SNX3: variants seen among roughly 807,000 people sequenced by gnomAD.
SNX3 encodes sorting nexin-3.
Under a neutral mutation model 17.7 loss-of-function variants are expected in SNX3, and 5 were observed. That is an observed-to-expected ratio of 0.28 (90% CI 0.15 to 0.59). The LOEUF is 0.59. Among genes scored for constraint, SNX3 ranks in the 20% least tolerant of loss-of-function variants. SNX3 has a pLI of 0.88. For synonymous variants in SNX3, 91 were observed against 76.5 expected, an observed-to-expected ratio of 1.19 and a Z score of -0.99; for missense variants, 132 against 206.8, an observed-to-expected ratio of 0.64 and a Z score of 2.22.
chr6:108,222,249 T>C, intron 2 of SNX3: 8 of 1,304,280 alleles, frequency 6.1e-6, no homozygotes, highest in Non-Finnish European at 8.1e-6. Context: ...AGTCACAAAA[T>C]AACTTTTCAT....
chr6:108,212,299 T>TG (rs1451476090), intron 3 of SNX3, 45 bp from the exon 4 acceptor site: 1 of 1,321,572 alleles, frequency 7.6e-7, no homozygotes. Context: ...TTATACAAGG[T>TG]GGGGGAGTTC....
chr6:108,225,015 G>C (rs1774931776), intron 1 of SNX3, among the ~76,000 whole-genome samples: 1 of 152,198 alleles, frequency 6.6e-6, no homozygotes, highest in African/African-American at 2.4e-5. Flanking sequence ...GGGCGCGGTG[G>C]CTCATGACTG....
intron 1 of SNX3, among the ~76,000 whole-genome samples, chr6:108,245,510 A>G (rs1387944836): frequency 6.6e-6 from 1 of 152,230 alleles, no homozygotes; most frequent in Non-Finnish European, 1.5e-5. Context: ...TTCTGGTTTT[A>G]GATCCTTGAG....
At chr6:108,214,752 A>G in intron 2 of SNX3, 130 bp from the exon 3 acceptor site, 1 of 931,562 alleles carries the variant, frequency 1.1e-6, no homozygotes, top group Non-Finnish European at 1.6e-6. Context: ...GAAATATAAA[A>G]GAGCAAAAAA....
At position 108,260,935 on chromosome 6, in the gene SNX3, C is replaced by A. The variant is rs1776179848; in HGVS notation, c.-14G>T. On this transcript the variant is annotated 5_prime_UTR_variant, in exon 1 of 4. Transcript: ENST00000230085. ...GGTCTCCGCCATTTCGCTGTAGCTG[C>A]TGCCGCCGCCGCGGGCTCCCTCCGC... 1.3e-6 allele frequency: 2 copies of A among 1,554,946 alleles called. No homozygotes were observed. The highest frequency in any genetic ancestry group is 1.4e-5 in the African/African-American group (1 of 70,600).
intron 1 of SNX3, among the ~76,000 whole-genome samples, chr6:108,254,305 T>C (rs114474040): frequency 0.028 from 4,263 of 150,504 alleles, 144 homozygotes; most frequent in South Asian, 0.089. Context: ...TCTCTACAAA[T>C]ACAAAAAAAT....
At chr6:108,214,711 C>G in intron 2 of SNX3, 89 bp from the exon 3 acceptor site, 1 of 1,344,454 alleles carries the variant, frequency 7.4e-7, no homozygotes, top group Non-Finnish European at 1.0e-6. Flanking sequence ...CATGTCCTCA[C>G]TATGACAGCC....
At chr6:108,256,672 A>C (rs142788259) in intron 1 of SNX3, among the ~76,000 whole-genome samples, 2 of 152,346 alleles carry the variant, frequency 1.3e-5, no homozygotes, top group East Asian at 1.9e-4. Context: ...ATTCCTGTTC[A>C]AAACAGTGGT....
At chr6:108,224,411 G>T (rs1774914464) in intron 1 of SNX3, among the ~76,000 whole-genome samples, 1 of 152,134 alleles carries the variant, frequency 6.6e-6, no homozygotes, top group Non-Finnish European at 1.5e-5. Context: ...CTCCCAAGTA[G>T]CTGGGACTAC....
At chr6:108,250,274 C>G (rs530972097) in intron 1 of SNX3, among the ~76,000 whole-genome samples, 6 of 152,260 alleles carry the variant, frequency 3.9e-5, no homozygotes, top group African/African-American at 1.4e-4. Flanking sequence ...GTTACATGAG[C>G]AAACTCTAGA....
chr6:108,230,820 C>A (rs1359188935), intron 1 of SNX3, among the ~76,000 whole-genome samples: 1 of 152,162 alleles, frequency 6.6e-6, no homozygotes, highest in Admixed American at 6.5e-5. Context: ...TAATTACCTG[C>A]ATCTCAAAAA....
At chr6:108,250,853 T>C (rs905889371) in intron 1 of SNX3, among the ~76,000 whole-genome samples, 3 of 152,200 alleles carry the variant, frequency 2.0e-5, no homozygotes, top group African/African-American at 7.2e-5. Context: ...GAACAAATAA[T>C]TATCAAATGA....
chr6:108,237,542 T>G (rs183239326), intron 1 of SNX3, among the ~76,000 whole-genome samples: 2 of 152,216 alleles, frequency 1.3e-5, no homozygotes, highest in African/African-American at 4.8e-5. Flanking sequence ...TCTCAGCACT[T>G]TGGGAGGCCG....
chr6:108,234,245 A>G (rs1775255528), intron 1 of SNX3, among the ~76,000 whole-genome samples: 1 of 151,420 alleles, frequency 6.6e-6, no homozygotes, highest in Non-Finnish European at 1.5e-5. Flanking sequence ...AAACATATAT[A>G]TATATATATA....
chr6:108,211,926 A>G lies in SNX3; in HGVS notation c.*223T>C, dbSNP rs1433997288. On this transcript the variant is annotated 3_prime_UTR_variant, in exon 4 of 4. Coordinates refer to ENST00000230085, the MANE Select transcript of SNX3 (RefSeq NM_003795.6). ...GCTATAGTGTGCACCACATTAAAACAGCAAGAAAGAGCTATTTATATAGAA... is the reference window on the plus strand; with the variant it reads ...GCTATAGTGTGCACCACATTAAAACGGCAAGAAAGAGCTATTTATATAGAA... 2.3e-6 allele frequency: 1 copy of G among 429,572 alleles called. No homozygotes were observed. The highest frequency in any genetic ancestry group is 5.0e-5 in the East Asian group (1 of 20,162). 26.6% of individuals were successfully genotyped at this position (429,572 alleles called of 1,614,324 possible). A position where few individuals can be genotyped will look rare whatever the true frequency, so the allele number is the denominator to read the frequency against.
At chr6:108,219,622 A>G (rs752494005) in intron 2 of SNX3, among the ~76,000 whole-genome samples, 10 of 152,200 alleles carry the variant, frequency 6.6e-5, no homozygotes, top group Non-Finnish European at 1.5e-4. Context: ...CAATCAATCA[A>G]TCAATCTCCC....
At chr6:108,215,111 A>G (rs1402730297) in intron 2 of SNX3, among the ~76,000 whole-genome samples, 1 of 152,234 alleles carries the variant, frequency 6.6e-6, no homozygotes, top group Non-Finnish European at 1.5e-5. Flanking sequence ...GCACTTTGGG[A>G]GGCCGAGGCG....
rs542100105 is a variant in SNX3, at chr6:108,239,047, T to C, written c.163-16002A>G. Among the ~76,000 whole-genome samples the C allele has an allele frequency of 9.1e-4, 138 of 152,134 alleles. 2 individuals are homozygous for C. The highest frequency in any genetic ancestry group is 3.1e-3 in the African/African-American group (129 of 41,518). On this transcript the variant is annotated intron_variant, in intron 1 of 3. Coordinates refer to ENST00000230085, the MANE Select transcript of SNX3 (RefSeq NM_003795.6). ...TCCCGAGTAGCTGGAATTACATGCA[T>C]GTGCCCCCACACCCAGCTAATTTTT...
At chr6:108,225,314 C>T (rs2114720200) in intron 1 of SNX3, among the ~76,000 whole-genome samples, 1 of 151,012 alleles carries the variant, frequency 6.6e-6, no homozygotes. Flanking sequence ...AAAAAATATG[C>T]TAGGCCTGGC....
Sources: allele counts gnomAD v4.1 joint callset (sites outside exome capture counted in the v4.1 genomes callset), GRCh38; gene constraint gnomAD v4.1.1; transcripts MANE v1.5; gene names NCBI Gene and HGNC (gene_info 2026-07-23, HGNC 2026-07-21).